Variants in DNAI7 observed in about 807,000 individuals in gnomAD.
DNAI7 encodes cancer susceptibility 1.
In DNAI7, 78 loss-of-function variants were observed where a neutral mutation model predicts 86.6. The ratio of observed to expected loss-of-function variants is 0.90; its 90% confidence interval spans 0.75 to 1.09. The LOEUF (loss-of-function observed/expected upper bound fraction) is 1.09, where lower values mean the gene tolerates loss of function less well. Among genes scored for constraint, DNAI7 ranks in the 50% least tolerant of loss-of-function variants. DNAI7 has a pLI of 0.00. For synonymous variants in DNAI7, 274 were observed against 273.0 expected, an observed-to-expected ratio of 1.00 and a Z score of -0.04; for missense variants, 753 against 810.2, an observed-to-expected ratio of 0.93 and a Z score of 0.86.
intron 2 of DNAI7, among the ~76,000 whole-genome samples, chr12:25,161,872 A>G: frequency 6.6e-6 from 1 of 152,140 alleles, no homozygotes; most frequent in South Asian, 2.1e-4. Flanking sequence ...CCTATGCTAA[A>G]GAGTTTGGAC....
intron 2 of DNAI7, among the ~76,000 whole-genome samples, chr12:25,163,977 G>A (rs1414573072): frequency 6.6e-6 from 1 of 152,178 alleles, no homozygotes; most frequent in Non-Finnish European, 1.5e-5. Flanking sequence ...GTCTTCCCTT[G>A]GTGTTTAATC....
chr12:25,167,426 C>T (rs1465699216), intron 2 of DNAI7, among the ~76,000 whole-genome samples: 1 of 152,132 alleles, frequency 6.6e-6, no homozygotes, highest in African/African-American at 2.4e-5. Context: ...ATACTTCCAC[C>T]CTGATGAAGT....
chr12:25,108,575 G>A lies in DNAI7; in HGVS notation c.2142C>T (p.Leu714=). The A allele has an allele frequency of 6.2e-7, 1 of 1,613,638 alleles. No individual in the cohort carries two copies. The highest frequency in any genetic ancestry group is 8.5e-7 in the Non-Finnish European group (1 of 1,179,784). Residue 714 remains leucine, a synonymous_variant, in exon 16 of 16, where the codon CTC becomes CTT. Coordinates refer to ENST00000395987, the MANE Select transcript of DNAI7 (RefSeq NM_018272.5). ...QFVNSVCHML[L]STRLLSYS ...AGGAGTAGCTGAGCAATCTGGTAGA[G>A]AGCAGCATGTGGCACACAGAGTTGA...
rs1950945121 is a variant in DNAI7 at position 25,195,135 on chromosome 12, A to G, written c.-57T>C. 18 of 1,586,810 alleles carry G rather than the reference A, an allele frequency of 1.1e-5. No individual in the cohort carries two copies. Among genetic ancestry groups the G allele is most frequent in the African/African-American group, 1.3e-5 (1 of 74,358 alleles). ...GAGTCGGAGCAGAAATTGTGTGGAC[A>G]AACGCTCCCGGGTTGCCCGGACGAC... On this transcript the variant is annotated 5_prime_UTR_variant, in exon 1 of 16. Coordinates refer to ENST00000395987, the MANE Select transcript of DNAI7 (RefSeq NM_018272.5).
intron 7 of DNAI7, among the ~76,000 whole-genome samples, chr12:25,147,616 C>T (rs1223188035): frequency 6.6e-6 from 1 of 152,128 alleles, no homozygotes; most frequent in Non-Finnish European, 1.5e-5. Flanking sequence ...ATGATTGCAC[C>T]ATGCACTCTA....
rs149629219 is a variant in DNAI7, at chr12:25,179,696, A to G, written c.21+10918T>C. 6.2e-3 allele frequency among the ~76,000 whole-genome samples: 943 copies of G among 152,264 alleles called. 10 individuals carry two copies. Among genetic ancestry groups the G allele is most frequent in the African/African-American group, 0.021 (882 of 41,564 alleles). ...AAACAAAAACCATATGATCATCCCAATAGACACAGAAAACCCTTTTGATAA... is the reference window on the plus strand; with the variant it reads ...AAACAAAAACCATATGATCATCCCAGTAGACACAGAAAACCCTTTTGATAA... On this transcript the variant is annotated intron_variant, in intron 2 of 15. Coordinates refer to ENST00000395987, the MANE Select transcript of DNAI7 (RefSeq NM_018272.5).
At chr12:25,180,657 G>C (rs1393837746) in intron 2 of DNAI7, among the ~76,000 whole-genome samples, 1 of 152,078 alleles carries the variant, frequency 6.6e-6, no homozygotes, top group Non-Finnish European at 1.5e-5. Flanking sequence ...CTTCAACAAA[G>C]TTAGCAAAAA....
chr12:25,179,403 T>C (rs1476004332), intron 2 of DNAI7, among the ~76,000 whole-genome samples: 1 of 152,216 alleles, frequency 6.6e-6, no homozygotes, highest in Non-Finnish European at 1.5e-5. Flanking sequence ...TCCAATCTTC[T>C]AAATCCTTAC....
intron 1 of DNAI7, among the ~76,000 whole-genome samples, chr12:25,194,414 G>A (rs569551147): frequency 4.2e-4 from 64 of 152,190 alleles, no homozygotes; most frequent in Non-Finnish European, 6.6e-4. Context: ...CTTAATTAAT[G>A]AATTAAATAA....
intron 2 of DNAI7, among the ~76,000 whole-genome samples, chr12:25,173,924 T>TAACATATATA (rs1565807487): frequency 6.0e-5 from 1 of 16,784 alleles, no homozygotes; most frequent in Non-Finnish European, 1.4e-4. Context: ...GGAATATATA[T>TAACATATATA]ATCATATATA....
intron 2 of DNAI7, among the ~76,000 whole-genome samples, chr12:25,172,572 C>T (rs1039252122): frequency 6.6e-6 from 1 of 152,100 alleles, no homozygotes; most frequent in African/African-American, 2.4e-5. Flanking sequence ...AGAATACCAA[C>T]ATCATTCTTC....
chr12:25,118,321 T>C (rs1940587674), intron 12 of DNAI7, among the ~76,000 whole-genome samples: 1 of 152,080 alleles, frequency 6.6e-6, no homozygotes, highest in Non-Finnish European at 1.5e-5. Flanking sequence ...TGGAGTACAG[T>C]GGCGCCATCT....
At chr12:25,183,733 G>T (rs1949776941) in intron 2 of DNAI7, among the ~76,000 whole-genome samples, 1 of 151,916 alleles carries the variant, frequency 6.6e-6, no homozygotes, top group South Asian at 2.1e-4. Context: ...GTGGCTGTTT[G>T]TAAGAAGATT....
intron 9 of DNAI7, among the ~76,000 whole-genome samples, chr12:25,136,274 AGTAGCTCCACT>A (rs1173731962): frequency 6.6e-6 from 1 of 152,206 alleles, no homozygotes; most frequent in Non-Finnish European, 1.5e-5. Context: ...CCTGGAGCGC[AGTAGCTCCACT>A]GGGTGGATAG....
chr12:25,170,693 C>T (rs1018398241), intron 2 of DNAI7, among the ~76,000 whole-genome samples: 1 of 152,194 alleles, frequency 6.6e-6, no homozygotes, highest in African/African-American at 2.4e-5. Flanking sequence ...TTCAACAGCA[C>T]ATGGAACTTT....
intron 11 of DNAI7, among the ~76,000 whole-genome samples, chr12:25,120,317 G>GGAGAGAGAGAGAGGGAGAGAGAGAGA (rs1941030054): frequency 1.2e-5 from 1 of 80,766 alleles, no homozygotes. Flanking sequence ...GCAGGAAGAG[G>GGAGAGAGAGAGAGGGAGAGAGAGAGA]GAGAGAGAGA....
intron 2 of DNAI7, among the ~76,000 whole-genome samples, chr12:25,172,353 G>A (rs1948233478): frequency 6.6e-6 from 1 of 151,976 alleles, no homozygotes; most frequent in Non-Finnish European, 1.5e-5. Flanking sequence ...TTTTACAATA[G>A]CTGCAAAAAT....
intron 2 of DNAI7, among the ~76,000 whole-genome samples, chr12:25,168,543 T>G (rs1025005104): frequency 9.8e-5 from 15 of 152,298 alleles, no homozygotes; most frequent in African/African-American, 3.6e-4. Context: ...AGGCCCAAGT[T>G]GACTCTTTAG....
intron 4 of DNAI7, 40 bp from the exon 5 acceptor site, chr12:25,155,452 T>C: frequency 1.8e-6 from 2 of 1,109,356 alleles, no homozygotes; most frequent in Non-Finnish European, 2.6e-6. Context: ...GCTCTTTAAT[T>C]TTAACTTTAT....
Sources: gnomAD v4.1 joint callset for allele counts (sites outside exome capture counted in the v4.1 genomes callset) on GRCh38, gnomAD v4.1.1 for gene constraint, MANE v1.5 for transcripts, NCBI Gene and HGNC (gene_info 2026-07-23, HGNC 2026-07-21) for gene names.